Variants in KLHL1 observed in about 807,000 individuals in gnomAD.
KLHL1 encodes the protein kelch like family member 1, also known as kelch-like protein 1.
KLHL1 carries 47 observed loss-of-function variants against 77.7 expected under a neutral mutation model. The ratio of observed to expected loss-of-function variants is 0.60; its 90% confidence interval spans 0.48 to 0.77. The LOEUF is 0.77. KLHL1 is among the 30% of genes least tolerant of loss of function. The probability of loss-of-function intolerance (pLI) is 0.00; values close to 1 mark genes in which losing one functional copy is unlikely to be tolerated. For missense variants in KLHL1, 925 were observed against 910.8 expected, an observed-to-expected ratio of 1.02 and a Z score of -0.20; for synonymous variants, 360 against 325.2, an observed-to-expected ratio of 1.11 and a Z score of -1.15.
intron 8 of KLHL1, among the ~76,000 whole-genome samples, chr13:69,726,552 C>CA (rs1288397782): frequency 6.6e-6 from 1 of 152,144 alleles, no homozygotes; most frequent in Non-Finnish European, 1.5e-5. Flanking sequence ...CTCCTCTTGT[C>CA]ACTTGCTACT....
At chr13:69,946,516 CT>C (rs927596691) in intron 3 of KLHL1, among the ~76,000 whole-genome samples, 8 of 151,558 alleles carry the variant, frequency 5.3e-5, no homozygotes, top group South Asian at 4.2e-4. Context: ...CTTTGTTCTC[CT>C]TTTTTTTCTT....
chr13:69,818,034 G>A (rs1878187606), intron 6 of KLHL1, among the ~76,000 whole-genome samples: 3 of 151,990 alleles, frequency 2.0e-5, no homozygotes, highest in African/African-American at 7.3e-5. Flanking sequence ...ATTTACAGCT[G>A]AATTAGTCAC....
chr13:69,813,277 G>C (rs980342874), intron 6 of KLHL1, among the ~76,000 whole-genome samples: 5 of 150,584 alleles, frequency 3.3e-5, no homozygotes, highest in African/African-American at 1.2e-4. Context: ...TGAACAATGA[G>C]AACACTTGGA....
At chr13:69,754,003 A>AT (rs35799069) in intron 7 of KLHL1, among the ~76,000 whole-genome samples, 79 of 148,934 alleles carry the variant, frequency 5.3e-4, no homozygotes, top group East Asian at 2.6e-3. Flanking sequence ...TGCCTGGCTA[A>AT]TTTTTTTTTT....
At chr13:70,068,055 A>T (rs1887051386) in intron 1 of KLHL1, among the ~76,000 whole-genome samples, 1 of 151,820 alleles carries the variant, frequency 6.6e-6, no homozygotes, top group African/African-American at 2.4e-5. Context: ...TAAAAAAAAA[A>T]AAAGGGCCAG....
intron 6 of KLHL1, among the ~76,000 whole-genome samples, chr13:69,805,931 T>A (rs1472428459): frequency 6.6e-6 from 1 of 151,904 alleles, no homozygotes; most frequent in Non-Finnish European, 1.5e-5. Flanking sequence ...ACCAGACAAT[T>A]TCTAATAGGC....
At chr13:69,793,114 T>G (rs1265567413) in intron 7 of KLHL1, among the ~76,000 whole-genome samples, 1 of 152,036 alleles carries the variant, frequency 6.6e-6, no homozygotes, top group East Asian at 1.9e-4. Flanking sequence ...GCATAGCACA[T>G]AAAAAATCCA....
chr13:69,749,060 T>C (rs1436405254), intron 7 of KLHL1, among the ~76,000 whole-genome samples: 1 of 152,084 alleles, frequency 6.6e-6, no homozygotes, highest in Non-Finnish European at 1.5e-5. Context: ...ATTGCCACAA[T>C]ATTTCCAAAC....
intron 1 of KLHL1, among the ~76,000 whole-genome samples, chr13:69,991,600 C>A (rs748689101): frequency 6.6e-6 from 1 of 150,972 alleles, no homozygotes; most frequent in South Asian, 2.1e-4. Context: ...AATTCCTGGA[C>A]ATATACATTG....
At chr13:70,065,113 A>G (rs1886976172) in intron 1 of KLHL1, among the ~76,000 whole-genome samples, 1 of 152,150 alleles carries the variant, frequency 6.6e-6, no homozygotes, top group Non-Finnish European at 1.5e-5. Context: ...TCAAGACCAG[A>G]GCCCCCAGGA....
rs545684739 is a variant in KLHL1, at chr13:69,823,487, T to G, written c.1414+15489A>C. On this transcript the variant is annotated intron_variant, in intron 6 of 10. Coordinates refer to ENST00000377844, the MANE Select transcript of KLHL1 (RefSeq NM_020866.3). ...AAAATTATTTATTTTAAAAATTATT[T>G]ACATTTCTAATAAATTCATATTAGA... Among the ~76,000 whole-genome samples, 4 of 152,158 alleles carry G rather than the reference T, an allele frequency of 2.6e-5. No homozygotes were observed. In the South Asian group the frequency reaches 8.3e-4, roughly 32 times the overall value.
At chr13:70,001,508 C>T (rs1885286221) in intron 1 of KLHL1, among the ~76,000 whole-genome samples, 1 of 150,998 alleles carries the variant, frequency 6.6e-6, no homozygotes, top group East Asian at 1.9e-4. Context: ...AAAAGAATAC[C>T]TTATTCCAAG....
intron 3 of KLHL1, among the ~76,000 whole-genome samples, chr13:69,942,841 A>G (rs1486143737): frequency 1.3e-5 from 2 of 152,138 alleles, no homozygotes; most frequent in African/African-American, 2.4e-5. Context: ...TTGCTATGAC[A>G]TACACTTTCC....
At chr13:70,072,465 C>A (rs1455951743) in intron 1 of KLHL1, among the ~76,000 whole-genome samples, 2 of 151,880 alleles carry the variant, frequency 1.3e-5, no homozygotes, top group East Asian at 1.9e-4. Flanking sequence ...CCAGTAAAAC[C>A]AAAACCAGAC....
chr13:69,839,050 T>G lies in KLHL1; in HGVS notation c.1340A>C (p.Gln447Pro), dbSNP rs758967441. ...TTTTCTGGGTTTAGTTCTCGGACTT[T>G]GCATTAAAGTTCTTCTTTCTGGCAA... is the stretch of plus-strand genomic sequence containing the variant. ...HLLPERRTLM[Q>P]SPRTKPRKST... The change falls in exon 6 of 11, where the codon CAA becomes CCA. Residue 447 changes from glutamine (Q) to proline (P), a missense_variant. Gln to Pro is a moderately conservative substitution (Grantham distance 76, BLOSUM62 -1). Coordinates refer to ENST00000377844, the MANE Select transcript of KLHL1 (RefSeq NM_020866.3). 6.2e-7 allele frequency: 1 copy of G among 1,611,452 alleles called. No individual in the cohort carries two copies. The highest frequency in any genetic ancestry group is 1.1e-5 in the South Asian group (1 of 90,832).
rs139352929 is a variant in KLHL1, at chr13:70,043,214, T to C, written c.497+63989A>G. ...CCACTGCAACCAGCCATGTGTCTTA[T>C]ATTTTAACAAACAAGTTTAAATACT... On this transcript the variant is annotated intron_variant, in intron 1 of 10. Transcript: ENST00000377844. 4.8e-3 allele frequency among the ~76,000 whole-genome samples: 736 copies of C among 152,016 alleles called. 2 individuals are homozygous for C. Among genetic ancestry groups the C allele is most frequent in the African/African-American group, 0.017 (710 of 41,364 alleles).
intron 7 of KLHL1, among the ~76,000 whole-genome samples, chr13:69,782,030 T>G (rs1374735571): frequency 1.3e-5 from 2 of 152,220 alleles, no homozygotes; most frequent in East Asian, 3.9e-4. Context: ...CAATTTTCTT[T>G]TCTCTCTTTT....
chr13:69,795,174 C>A (rs189242033), intron 7 of KLHL1, among the ~76,000 whole-genome samples: 179 of 152,268 alleles, frequency 1.2e-3, no homozygotes, highest in Admixed American at 2.0e-3. Context: ...CTTTTATTGG[C>A]GTGTAAATCA....
chr13:69,939,027 A>G (rs1883266063), intron 4 of KLHL1, among the ~76,000 whole-genome samples: 1 of 151,752 alleles, frequency 6.6e-6, no homozygotes, highest in African/African-American at 2.4e-5. Flanking sequence ...ATAAGACTTC[A>G]TTAGTTGTTT....
Sources: gnomAD v4.1 joint callset for allele counts (sites outside exome capture counted in the v4.1 genomes callset) on GRCh38, gnomAD v4.1.1 for gene constraint, MANE v1.5 for transcripts, NCBI Gene and HGNC (gene_info 2026-07-23, HGNC 2026-07-21) for gene names.